NDP: variants seen among roughly 807,000 people sequenced by gnomAD.
NDP encodes norrin cystine knot growth factor NDP.
A neutral mutation model predicts 8.4 loss-of-function variants in NDP; 2 were observed. The ratio of observed to expected loss-of-function variants is 0.24; its 90% CI spans 0.10 to 0.75. The LOEUF is 0.75. Among genes scored for constraint, NDP ranks in the 30% least tolerant of loss-of-function variants. NDP has a pLI of 0.73. For missense variants in NDP, 81 were observed against 110.1 expected (o/e 0.74, Z 1.18); for synonymous variants, 55 against 45.6 (o/e 1.21, Z -0.83).
At chrX:43,953,559 T>C (rs1283271206) in intron 2 of NDP, among the ~76,000 whole-genome samples, 1 of 112,754 alleles carries the variant, frequency 8.9e-6, no homozygotes, top group Non-Finnish European at 1.9e-5. Context: ...GATGAATCAC[T>C]AGATAACCAT....
chrX:43,962,578 T>C (rs775389301), intron 1 of NDP, among the ~76,000 whole-genome samples: 10 of 112,091 alleles, frequency 8.9e-5, no homozygotes, highest in African/African-American at 3.2e-4. Context: ...CCAGTTTGCC[T>C]TAATTTTTTA....
chrX:43,970,458 C>T (rs1338888753), intron 1 of NDP, among the ~76,000 whole-genome samples: 3 of 111,711 alleles, frequency 2.7e-5, no homozygotes, highest in Non-Finnish European at 5.6e-5. Flanking sequence ...AATCCAACCA[C>T]GGGGGATTAT....
At chrX:43,965,898 C>A (rs181427966) in intron 1 of NDP, among the ~76,000 whole-genome samples, 1 of 111,479 alleles carries the variant, frequency 9.0e-6, no homozygotes, top group Admixed American at 9.5e-5. Context: ...CTGAGACTTA[C>A]GTCTAAAAGA....
At chrX:43,955,176 G>A (rs2035785426) in intron 2 of NDP, among the ~76,000 whole-genome samples, 1 of 112,234 alleles carries the variant, frequency 8.9e-6, no homozygotes, top group Non-Finnish European at 1.9e-5. Flanking sequence ...AATCTTTTAA[G>A]GCTATAGGAG....
chrX:43,970,757 G>A (rs1263904474), intron 1 of NDP, among the ~76,000 whole-genome samples: 2 of 111,272 alleles, frequency 1.8e-5, no homozygotes, highest in Admixed American at 1.9e-4. Flanking sequence ...TTTCTAATTC[G>A]ATGATTCATC....
intron 1 of NDP, among the ~76,000 whole-genome samples, chrX:43,971,556 C>T (rs2035891183): frequency 9.0e-6 from 1 of 111,639 alleles, no homozygotes; most frequent in Non-Finnish European, 1.9e-5. Flanking sequence ...CTCCCGTTAC[C>T]TGAACCAAAT....
At chrX:43,961,580 T>C (rs1012225545) in intron 1 of NDP, among the ~76,000 whole-genome samples, 3 of 111,990 alleles carry the variant, frequency 2.7e-5, no homozygotes, top group East Asian at 2.8e-4. Flanking sequence ...CCTGTGGTAG[T>C]TGAGGGACAG....
intron 1 of NDP, among the ~76,000 whole-genome samples, chrX:43,962,434 TGGGA>T (rs1399573418): frequency 9.0e-6 from 1 of 110,812 alleles, no homozygotes; most frequent in Non-Finnish European, 1.9e-5. Context: ...AGTATGGGAG[TGGGA>T]GGAAGACCTC....
At chrX:43,972,275 A>G in intron 1 of NDP, among the ~76,000 whole-genome samples, 1 of 111,277 alleles carries the variant, frequency 9.0e-6, no homozygotes, top group East Asian at 2.8e-4. Flanking sequence ...TCTGCCTCTC[A>G]TGGAGGCTTA....
In NDP at chrX:43,961,156, G is replaced by A. The variant is rs747732435; in HGVS notation, c.-207-2304C>T. Among the ~76,000 whole-genome samples, 12 of 112,709 alleles carry A rather than the reference G, an allele frequency of 1.1e-4. No individual in the cohort carries two copies. The South Asian group carries it at 3.3e-3, about 31-fold the overall frequency. ...AACCAATCAGATTTACAAAGATTCC[G>A]AAGTCTGATCATGCACCCTATTGGC... On this transcript the variant is annotated intron_variant, in intron 1 of 2. Transcript: ENST00000642620.
intron 1 of NDP, among the ~76,000 whole-genome samples, chrX:43,961,136 A>G (rs1272738744): frequency 8.9e-6 from 1 of 112,780 alleles, no homozygotes; most frequent in Admixed American, 9.4e-5. Flanking sequence ...TGTTCAACCA[A>G]TCAGATTTAC....
At chrX:43,951,002 C>T (rs989620913) in intron 2 of NDP, among the ~76,000 whole-genome samples, 40 of 111,147 alleles carry the variant, frequency 3.6e-4, no homozygotes, top group African/African-American at 1.2e-3. Flanking sequence ...CAGCTTGACT[C>T]ATTAAGCTGC....
chrX:43,956,958 T>G (rs1342587384), intron 2 of NDP, among the ~76,000 whole-genome samples: 2 of 112,020 alleles, frequency 1.8e-5, no homozygotes. Context: ...CCTCCATCAT[T>G]TTGTCCAGTC....
chrX:43,955,915 A>C (rs2035790382), intron 2 of NDP, among the ~76,000 whole-genome samples: 1 of 112,151 alleles, frequency 8.9e-6, no homozygotes, highest in Non-Finnish European at 1.9e-5. Flanking sequence ...AGTATAAATT[A>C]TTACTGCCAG....
intron 1 of NDP, among the ~76,000 whole-genome samples, chrX:43,961,909 A>T (rs907954589): frequency 2.7e-5 from 3 of 111,727 alleles, no homozygotes; most frequent in Non-Finnish European, 5.6e-5. Context: ...ACAGTTTAAA[A>T]TTTTTTCCTA....
intron 1 of NDP, among the ~76,000 whole-genome samples, chrX:43,960,545 G>A (rs1311037348): frequency 8.9e-6 from 1 of 112,291 alleles, no homozygotes; most frequent in Non-Finnish European, 1.9e-5. Context: ...AGAAGAGCAT[G>A]TTTGTTTTCT....
chrX:43,950,684 G>T (rs1049838181), intron 2 of NDP, among the ~76,000 whole-genome samples: 4 of 111,163 alleles, frequency 3.6e-5, no homozygotes, highest in African/African-American at 1.3e-4. Flanking sequence ...TTATGTAATT[G>T]CATCCGCATC....
rs1427063657 is a variant in NDP at position 43,948,940 on chromosome X, C to G, written c.*859G>C. On this transcript the variant is annotated 3_prime_UTR_variant, in exon 3 of 3. Transcript: ENST00000642620. ...ATATTAGAGAATGATGCCCGTGACA[C>G]GGCTAAAGCTATAGCACACCCACAA... The G allele has an allele frequency of 8.9e-6, 1 of 111,886 alleles. No individual in the cohort carries two copies. Among genetic ancestry groups the G allele is most frequent in the East Asian group, 2.8e-4 (1 of 3,561 alleles). The allele number at this position is 111,886 out of a possible 1,213,427, so 9.2% of individuals were successfully genotyped here.
rs937503123 is a variant in NDP at position 43,973,310 on chromosome X, G to C, written c.-214C>G. The C allele has an allele frequency of 1.8e-5, 2 of 111,782 alleles. No homozygotes were observed. The highest frequency in any genetic ancestry group is 3.8e-5 in the Non-Finnish European group (2 of 53,127). The allele number at this position is 111,782 out of a possible 1,213,427, so 9.2% of individuals were successfully genotyped here. On this transcript the variant is annotated 5_prime_UTR_variant, in exon 1 of 3. Coordinates refer to ENST00000642620, the MANE Select transcript of NDP (RefSeq NM_000266.4). ...CGCTTGTTTTCCTGCTTACCTTAGG[G>C]GAACGCAGGGCTCCTTTCTTCTCAG...
Sources: gnomAD v4.1 joint callset for allele counts (sites outside exome capture counted in the v4.1 genomes callset) on GRCh38, gnomAD v4.1.1 for gene constraint, MANE v1.5 for transcripts, NCBI Gene and HGNC (gene_info 2026-07-23, HGNC 2026-07-21) for gene names.